LARGE1: variants seen among roughly 807,000 people sequenced by gnomAD.
LARGE1 encodes the protein LARGE xylosyl- and glucuronyltransferase 1.
LARGE1 carries 43 observed loss-of-function variants against 87.6 expected under a neutral mutation model. That is an observed-to-expected ratio of 0.49 (90% CI 0.38 to 0.63). The LOEUF is 0.63. LARGE1 is among the 30% of genes least tolerant of loss of function. LARGE1 has a pLI of 0.00. For missense variants in LARGE1, 802 were observed against 1,000.2 expected (o/e 0.80, Z 2.67); for synonymous variants, 434 against 394.6 (o/e 1.10, Z -1.18).
At chr22:33,428,858 A>G (rs1239765206) in intron 7 of LARGE1, among the ~76,000 whole-genome samples, 3 of 142,230 alleles carry the variant, frequency 2.1e-5, no homozygotes, top group Admixed American at 1.5e-4. Flanking sequence ...TGAACCCGGG[A>G]GGCAGAGCTT....
intron 10 of LARGE1, among the ~76,000 whole-genome samples, chr22:33,329,567 G>C (rs963673849): frequency 1.3e-5 from 2 of 152,108 alleles, no homozygotes; most frequent in Non-Finnish European, 2.9e-5. Context: ...GCAGTGAACA[G>C]TCTGGGGCCA....
intron 6 of LARGE1, among the ~76,000 whole-genome samples, chr22:33,514,691 A>C (rs2071217327): frequency 6.6e-6 from 1 of 152,156 alleles, no homozygotes. Context: ...TACGGATATG[A>C]AGGGACAACT....
At chr22:33,901,243 G>A (rs995262946) in intron 1 of LARGE1, among the ~76,000 whole-genome samples, 6 of 152,116 alleles carry the variant, frequency 3.9e-5, no homozygotes, top group Admixed American at 6.5e-5. Context: ...TGGAGAGGGA[G>A]TGTGGTCCTG....
the LARGE1 span, among the ~76,000 whole-genome samples, chr22:33,140,701 T>G: frequency 1.3e-5 from 2 of 152,154 alleles, no homozygotes; most frequent in African/African-American, 4.8e-5. Context: ...CTTACACCAG[T>G]GGTTTGCCAG....
chr22:33,706,790 A>T (rs1052902031), intron 2 of LARGE1, among the ~76,000 whole-genome samples: 1 of 152,196 alleles, frequency 6.6e-6, no homozygotes, highest in Admixed American at 6.5e-5. Flanking sequence ...TTCTGCCCTC[A>T]GGCAGGTACA....
intron 1 of LARGE1, among the ~76,000 whole-genome samples, chr22:33,811,140 T>G (rs977675645): frequency 6.6e-6 from 1 of 152,162 alleles, no homozygotes; most frequent in Non-Finnish European, 1.5e-5. Context: ...TTAACTGCAA[T>G]AACCCTGCAG....
At chr22:33,241,037 C>T (rs948533788) in intron 11 of LARGE1, among the ~76,000 whole-genome samples, 1 of 152,208 alleles carries the variant, frequency 6.6e-6, no homozygotes, top group African/African-American at 2.4e-5. Flanking sequence ...TATAATTTCT[C>T]TGGCTTGGTA....
At chr22:33,765,393 T>C (rs1439899795) in intron 1 of LARGE1, among the ~76,000 whole-genome samples, 1 of 151,952 alleles carries the variant, frequency 6.6e-6, no homozygotes, top group East Asian at 1.9e-4. Flanking sequence ...AAAAGTACAA[T>C]AGAAAGGCAT....
chr22:33,440,843 T>G (rs1357461679), intron 6 of LARGE1, among the ~76,000 whole-genome samples: 2 of 152,126 alleles, frequency 1.3e-5, no homozygotes, highest in African/African-American at 4.8e-5. Flanking sequence ...CAGCTCCAGC[T>G]CAAAGCACCC....
intron 6 of LARGE1, among the ~76,000 whole-genome samples, chr22:33,474,250 G>T (rs375373940): frequency 6.6e-6 from 1 of 152,006 alleles, no homozygotes; most frequent in South Asian, 2.1e-4. Flanking sequence ...TGCAACCTCC[G>T]CCTCCCAGGT....
chr22:33,561,506 T>C (rs1372982753), intron 6 of LARGE1, among the ~76,000 whole-genome samples: 2 of 152,180 alleles, frequency 1.3e-5, no homozygotes, highest in East Asian at 3.9e-4. Context: ...CCAGCTCCCC[T>C]GAATGTTCTG....
At chr22:33,237,786 C>T (rs1444503026) in intron 11 of LARGE1, among the ~76,000 whole-genome samples, 1 of 152,168 alleles carries the variant, frequency 6.6e-6, no homozygotes, top group Non-Finnish European at 1.5e-5. Flanking sequence ...CCAGAGGTGC[C>T]TGGCCCCATC....
intron 12 of LARGE1, among the ~76,000 whole-genome samples, chr22:33,285,421 T>C (rs5994709): frequency 0.065 from 9,924 of 152,030 alleles, 1,072 homozygotes; most frequent in African/African-American, 0.23. Flanking sequence ...GTCAGGAGTT[T>C]GAGACCAGCC....
In LARGE1 at chr22:33,316,151, T is replaced by C. The variant is rs775726150; in HGVS notation, c.1385A>G (p.His462Arg). Residue 462 changes from histidine to arginine, a missense_variant, in exon 11 of 15, where the codon CAC becomes CGC. Around this residue, in one of 2 missense-constraint regions of LARGE1, gnomAD observed 625 missense variants for 841.9 expected, o/e 0.74. Transcript: ENST00000397394. ...TVHRTHLYFL[H>R]YEYEPAADST... ...GTCTGCTGCAGGCTCATACTCGTAG[T>C]GCAGGAAGTACAGGTGGGTGCGGTG... The C allele has an allele frequency of 2.5e-6, 4 of 1,614,162 alleles. No individual in the cohort carries two copies. Among genetic ancestry groups the C allele is most frequent in the Non-Finnish European group, 3.4e-6 (4 of 1,180,016 alleles).
intron 1 of LARGE1, among the ~76,000 whole-genome samples, chr22:33,918,350 A>G (rs985368341): frequency 2.0e-5 from 3 of 152,132 alleles, no homozygotes; most frequent in Non-Finnish European, 4.4e-5. Context: ...CTCTCCTGCC[A>G]GGGGGATTTG....
At chr22:33,397,400 C>T (rs2065788491) in intron 7 of LARGE1, among the ~76,000 whole-genome samples, 1 of 152,216 alleles carries the variant, frequency 6.6e-6, no homozygotes, top group African/African-American at 2.4e-5. Flanking sequence ...CAGGCATGAG[C>T]CATGGTGCCT....
In LARGE1 at chr22:33,650,578, T is replaced by G; in HGVS notation, c.197A>C (p.Glu66Ala). Reference protein sequence around the residue: ...ASSQRERESLEVRMREVEEEN... With the variant: ...ASSQRERESLAVRMREVEEEN... ...CTCCTCCACCTCGCGCATGCGCACC[T>G]CCAGGCTCTCGCGCTCCCGCTGGCT... is the stretch of plus-strand genomic sequence containing the variant. The change falls in exon 3 of 15, where the codon GAG becomes GCG. Residue 66 changes from glutamate (E) to alanine (A), a missense_variant. This residue lies in a region of LARGE1 where 177 missense variants were observed against 158.3 expected (regional missense o/e 1.12). Transcript: ENST00000397394. The G allele has an allele frequency of 6.2e-7, 1 of 1,606,770 alleles. No individual in the cohort carries two copies. The highest frequency in any genetic ancestry group is 8.5e-7 in the Non-Finnish European group (1 of 1,179,916).
At position 33,621,803 on chromosome 22, in the gene LARGE1, A is replaced by G. The variant is rs549501359; in HGVS notation, c.491+4441T>C. On this transcript the variant is annotated intron_variant, in intron 4 of 14. Transcript: ENST00000397394. The stretch of plus-strand genomic sequence containing the variant: ...AGGGATGACAGGAACTTCTGTGGTA[A>G]TTTGGTCCAAGGTGGTCAGTAGTCA... Among the ~76,000 whole-genome samples the G allele has an allele frequency of 7.9e-5, 12 of 152,270 alleles. No homozygotes were observed. The South Asian group carries it at 1.5e-3, about 18-fold the overall frequency.
intron 2 of LARGE1, among the ~76,000 whole-genome samples, chr22:33,721,758 T>G (rs1463290331): frequency 1.3e-5 from 2 of 152,182 alleles, no homozygotes; most frequent in Non-Finnish European, 2.9e-5. Flanking sequence ...ACAAAGAACT[T>G]CTCACAGAAG....
Sources: allele counts gnomAD v4.1 joint callset (sites outside exome capture counted in the v4.1 genomes callset), GRCh38; gene constraint gnomAD v4.1.1; regional missense constraint gnomAD v4.1.1; transcripts MANE v1.5; gene names NCBI Gene and HGNC (gene_info 2026-07-23, HGNC 2026-07-21).